Variants in ASB15 observed in about 807,000 individuals in gnomAD.
ASB15 encodes ankyrin repeat and SOCS box containing 15, also known as ankyrin repeat and SOCS box protein 15.
In ASB15, 54 loss-of-function variants were observed where a neutral mutation model predicts 58.0. The ratio of observed to expected loss-of-function variants is 0.93; its 90% confidence interval spans 0.75 to 1.17. The LOEUF (loss-of-function observed/expected upper bound fraction) is 1.17, where lower values mean the gene tolerates loss of function less well. Among genes scored for constraint, ASB15 ranks in the 50% most tolerant of loss-of-function variants. ASB15 has a pLI of 0.00. For synonymous variants in ASB15, 249 were observed against 262.4 expected, an observed-to-expected ratio of 0.95 and a Z score of 0.50; for missense variants, 680 against 707.4, an observed-to-expected ratio of 0.96 and a Z score of 0.44.
At chr7:123,574,302 T>C (rs756886195) in intron 1 of ASB15, among the ~76,000 whole-genome samples, 4 of 152,086 alleles carry the variant, frequency 2.6e-5, no homozygotes, top group Non-Finnish European at 5.9e-5. Context: ...TCTAAGCATC[T>C]GTTTAGCCCA....
chr7:123,625,546 A>G (rs1801717977), intron 8 of ASB15, among the ~76,000 whole-genome samples: 1 of 152,192 alleles, frequency 6.6e-6, no homozygotes, highest in South Asian at 2.1e-4. Context: ...CGTACCTTGC[A>G]GGGTTTGGGT....
At chr7:123,635,556 A>C (rs1229034928) in intron 11 of ASB15, among the ~76,000 whole-genome samples, 1 of 145,216 alleles carries the variant, frequency 6.9e-6, no homozygotes, top group Non-Finnish European at 1.5e-5. Flanking sequence ...GAAAGAATAG[A>C]CTTTGCTTTT....
At chr7:123,594,789 C>T (rs1182832122) in intron 1 of ASB15, among the ~76,000 whole-genome samples, 1 of 152,178 alleles carries the variant, frequency 6.6e-6, no homozygotes, top group Admixed American at 6.5e-5. Context: ...TCTCAAATGC[C>T]ATGCTGGGAG....
chr7:123,584,971 C>T (rs765391964), intron 1 of ASB15: 1 of 151,734 alleles, frequency 6.6e-6, no homozygotes, highest in Admixed American at 6.6e-5. Context: ...AGTCACAATT[C>T]CATTTTGACT....
chr7:123,576,864 T>C (rs140653599), intron 1 of ASB15, among the ~76,000 whole-genome samples: 17 of 152,314 alleles, frequency 1.1e-4, no homozygotes, highest in African/African-American at 3.8e-4. Context: ...GCTGGTTACA[T>C]TATTCCAGTT....
At position 123,629,093 on chromosome 7, in the gene ASB15, G is replaced by C; in HGVS notation, c.1099G>C (p.Glu367Gln). Residue 367 changes from glutamate (E) to glutamine (Q), a missense_variant, in exon 10 of 12, where the codon GAA (glutamate) becomes CAA (glutamine). Transcript: ENST00000451215. ...TTCTAATAATGACGTTCATTGCACA[G>C]AAGTCCTTCTGGCTGCAGGTGCAGA... ...GVSNNDVHCT[E>Q]VLLAAGADPN... The C allele has an allele frequency of 6.2e-7, 1 of 1,613,816 alleles. No individual in the cohort carries two copies. The highest frequency in any genetic ancestry group is 8.5e-7 in the Non-Finnish European group (1 of 1,179,726).
chr7:123,611,726 C>T (rs995839964), intron 3 of ASB15, among the ~76,000 whole-genome samples: 8 of 152,146 alleles, frequency 5.3e-5, no homozygotes, highest in African/African-American at 1.9e-4. Context: ...TCTCCTCTTG[C>T]CTTTATCATT....
chr7:123,573,619 CAT>C (rs1432671333), intron 1 of ASB15, among the ~76,000 whole-genome samples: 11 of 152,148 alleles, frequency 7.2e-5, no homozygotes, highest in Admixed American at 6.5e-4. Context: ...TAGCAATCAA[CAT>C]AGTTTTTCTT....
chr7:123,592,867 C>T (rs542892025), intron 1 of ASB15, among the ~76,000 whole-genome samples: 201 of 151,840 alleles, frequency 1.3e-3, no homozygotes, highest in Non-Finnish European at 2.3e-3. Context: ...ATTGACAGTG[C>T]GGTATTAAAG....
intron 1 of ASB15, among the ~76,000 whole-genome samples, chr7:123,578,287 G>A (rs750985478): frequency 7.3e-5 from 11 of 150,770 alleles, no homozygotes; most frequent in Non-Finnish European, 1.5e-4. Context: ...AAAGCCTCTT[G>A]GTCCCTCTTT....
intron 2 of ASB15, among the ~76,000 whole-genome samples, chr7:123,606,629 T>C (rs918265379): frequency 1.3e-5 from 2 of 152,210 alleles, no homozygotes; most frequent in Non-Finnish European, 2.9e-5. Flanking sequence ...CAGCACCTCC[T>C]AGCCCCAGGC....
intron 11 of ASB15, among the ~76,000 whole-genome samples, chr7:123,633,077 C>T (rs1316862799): frequency 6.6e-6 from 1 of 152,080 alleles, no homozygotes. Context: ...AATATTGTTC[C>T]TCTTGCTGAC....
intron 6 of ASB15, 118 bp downstream of exon 6, chr7:123,616,613 T>C (rs1468901020): frequency 8.0e-7 from 1 of 1,250,860 alleles, no homozygotes; most frequent in South Asian, 1.5e-5. Flanking sequence ...AAATATTATT[T>C]GGAATTTGAA....
chr7:123,613,190 A>T (rs1439084341), intron 3 of ASB15, among the ~76,000 whole-genome samples: 1 of 152,154 alleles, frequency 6.6e-6, no homozygotes, highest in East Asian at 1.9e-4. Flanking sequence ...GAGACCTTGG[A>T]TGTTAGCAGG....
intron 11 of ASB15, among the ~76,000 whole-genome samples, chr7:123,634,815 C>T (rs536646369): frequency 1.3e-5 from 2 of 152,330 alleles, no homozygotes; most frequent in Non-Finnish European, 2.9e-5. Flanking sequence ...TGAGCATCAA[C>T]AGCTGCTAAT....
intron 1 of ASB15, among the ~76,000 whole-genome samples, chr7:123,574,196 T>TC (rs951662978): frequency 1.3e-5 from 2 of 151,838 alleles, no homozygotes; most frequent in African/African-American, 2.4e-5. Context: ...AGGTTCCATC[T>TC]CCTTTTTTTT....
intron 1 of ASB15, among the ~76,000 whole-genome samples, chr7:123,589,971 T>G (rs2116353180): frequency 6.6e-6 from 1 of 152,288 alleles, no homozygotes; most frequent in East Asian, 1.9e-4. Flanking sequence ...CCACATCCTC[T>G]CCAGCATCTG....
intron 2 of ASB15, among the ~76,000 whole-genome samples, chr7:123,605,521 G>A (rs778981517): frequency 5.3e-5 from 8 of 152,072 alleles, no homozygotes; most frequent in East Asian, 3.9e-4. Flanking sequence ...ATAAATCACC[G>A]TACCATAAAG....
intron 1 of ASB15, among the ~76,000 whole-genome samples, chr7:123,577,543 A>G (rs903105107): frequency 1.3e-5 from 2 of 152,140 alleles, no homozygotes; most frequent in African/African-American, 4.8e-5. Flanking sequence ...TACCTTATTT[A>G]ACATTGTAAG....
Sources: allele counts gnomAD v4.1 joint callset (sites outside exome capture counted in the v4.1 genomes callset), GRCh38; gene constraint gnomAD v4.1.1; transcripts MANE v1.5; gene names NCBI Gene and HGNC (gene_info 2026-07-23, HGNC 2026-07-21).